ZMAT4: variants seen among roughly 807,000 people sequenced by gnomAD.
The protein encoded by ZMAT4 is zinc finger matrin-type protein 4.
A neutral mutation model predicts 28.7 loss-of-function variants in ZMAT4; 17 were observed. That is an observed-to-expected ratio of 0.59 (90% confidence interval 0.41 to 0.89). The LOEUF (loss-of-function observed/expected upper bound fraction) is 0.89, where lower values mean the gene tolerates loss of function less well. Ranked by LOEUF, ZMAT4 falls within the 40% of genes least tolerant of loss-of-function variation. The pLI is 0.00. For synonymous variants in ZMAT4, 117 were observed against 109.2 expected (o/e 1.07, Z -0.44); for missense variants, 240 against 283.8 (o/e 0.85, Z 1.11).
At chr8:40,643,651 C>T (rs1343232734) in intron 5 of ZMAT4, among the ~76,000 whole-genome samples, 4 of 151,804 alleles carry the variant, frequency 2.6e-5, no homozygotes, top group South Asian at 4.2e-4. Flanking sequence ...GTACAGAGCC[C>T]GGTGGAGAGA....
chr8:40,822,288 A>G lies in ZMAT4; in HGVS notation c.102+3287T>C, dbSNP rs1815859288. 2.0e-5 allele frequency among the ~76,000 whole-genome samples: 3 copies of G among 152,204 alleles called. 1 individual carries two copies. In the South Asian group the frequency reaches 6.2e-4, roughly 31 times the overall value. ...TATAGGTTCAGAATCCCCTGCAATA[A>G]CTAACTCTAATATTGCTGGATATAC... On this transcript the variant is annotated intron_variant, in intron 2 of 6. Coordinates refer to ENST00000297737, the MANE Select transcript of ZMAT4 (RefSeq NM_024645.3).
In ZMAT4 at chr8:40,642,646, C is replaced by A. The variant is rs1807091618; in HGVS notation, c.577+32058G>T. Among the ~76,000 whole-genome samples, 2 of 152,194 alleles carry A rather than the reference C, an allele frequency of 1.3e-5. 1 individual carries two copies. The highest frequency in any genetic ancestry group is 4.1e-4 in the South Asian group (2 of 4,834). ...AGTTGTGGCAAGTTTAGCCTCTTCC[C>A]TAGAAAAGCTATCTGCTAGAGGAGG... is the stretch of plus-strand genomic sequence containing the variant. On this transcript the variant is annotated intron_variant, in intron 5 of 6. Transcript: ENST00000297737.
intron 5 of ZMAT4, among the ~76,000 whole-genome samples, chr8:40,618,094 C>T (rs955623131): frequency 6.6e-6 from 1 of 152,200 alleles, no homozygotes; most frequent in Non-Finnish European, 1.5e-5. Context: ...GTACATTAAT[C>T]TCTAGGCACC....
intron 6 of ZMAT4, among the ~76,000 whole-genome samples, chr8:40,545,200 C>T (rs954124614): frequency 1.3e-5 from 2 of 151,950 alleles, no homozygotes; most frequent in African/African-American, 4.8e-5. Context: ...AGAGCAGACT[C>T]CCCCCTAGTT....
intron 2 of ZMAT4, among the ~76,000 whole-genome samples, chr8:40,801,365 T>TATATATATATATATATATACAC (rs1554559774): frequency 6.9e-6 from 1 of 144,374 alleles, no homozygotes; most frequent in African/African-American, 2.6e-5. Flanking sequence ...TATATATATA[T>TATATATATATATATATATACAC]ATATATACAT....
intron 3 of ZMAT4, among the ~76,000 whole-genome samples, chr8:40,722,623 C>CT: frequency 6.6e-6 from 1 of 152,196 alleles, no homozygotes; most frequent in East Asian, 1.9e-4. Flanking sequence ...TATTCCTGCT[C>CT]TTTTTTCTTT....
rs888348688 is a variant in ZMAT4, at chr8:40,620,656, T to C, written c.578-39395A>G. Among the ~76,000 whole-genome samples, 9 of 152,380 alleles carry C rather than the reference T, an allele frequency of 5.9e-5. No individual in the cohort carries two copies. The East Asian group carries it at 1.7e-3, about 29-fold the overall frequency. ...AATTCCTCACTCCCATCACTTGTTT[T>C]ACAAATGTTATTATTAAGCTCTTGA... On this transcript the variant is annotated intron_variant, in intron 5 of 6. Coordinates refer to ENST00000297737, the MANE Select transcript of ZMAT4 (RefSeq NM_024645.3).
intron 3 of ZMAT4, among the ~76,000 whole-genome samples, chr8:40,745,048 G>C (rs955554215): frequency 6.6e-6 from 1 of 152,284 alleles, no homozygotes; most frequent in South Asian, 2.1e-4. Context: ...CCAAGGGGGA[G>C]TTGATAAAAG....
intron 2 of ZMAT4, among the ~76,000 whole-genome samples, chr8:40,768,198 C>A (rs1813241955): frequency 6.6e-6 from 1 of 152,104 alleles, no homozygotes; most frequent in African/African-American, 2.4e-5. Flanking sequence ...ACACAGACTT[C>A]ATTAATAAGC....
rs76665832 is a variant in ZMAT4 at position 40,625,085 on chromosome 8, G to A, written c.578-43824C>T. On this transcript the variant is annotated intron_variant, in intron 5 of 6. Coordinates refer to ENST00000297737, the MANE Select transcript of ZMAT4 (RefSeq NM_024645.3). ...TTGAGTTGCAACCTGAACAATGAGC[G>A]GGTGGTAGCCATATGAAGGCCCGGG... Among the ~76,000 whole-genome samples, 103 of 152,262 alleles carry A rather than the reference G, an allele frequency of 6.8e-4. 1 individual carries two copies. In the East Asian group the frequency reaches 0.015, roughly 23 times the overall value.
chr8:40,736,071 C>T (rs1811748980), intron 3 of ZMAT4, among the ~76,000 whole-genome samples: 1 of 152,300 alleles, frequency 6.6e-6, no homozygotes, highest in Admixed American at 6.5e-5. Flanking sequence ...GCGGGAGAAA[C>T]ACTGTATAAA....
chr8:40,741,939 G>T (rs1169964449), intron 3 of ZMAT4, among the ~76,000 whole-genome samples: 1 of 152,088 alleles, frequency 6.6e-6, no homozygotes, highest in Non-Finnish European at 1.5e-5. Context: ...AACTATTTTA[G>T]TATATAAAAA....
Position 40,826,006 on chromosome 8 carries a change from C to A in ZMAT4, c.-4-326G>T, listed in dbSNP as rs537231255. On this transcript the variant is annotated intron_variant, in intron 1 of 6. Transcript: ENST00000297737. Reference sequence around the variant, plus strand: ...GGGCACCGTGGCTCACGCCTGTAGTCCCAGTGTTTTGGGAGGCCGAGGTGG... The same window carrying A: ...GGGCACCGTGGCTCACGCCTGTAGTACCAGTGTTTTGGGAGGCCGAGGTGG... Among the ~76,000 whole-genome samples, 59 of 152,276 alleles carry A rather than the reference C, an allele frequency of 3.9e-4. No homozygotes were observed. The South Asian group carries it at 0.011, about 29-fold the overall frequency.
intron 1 of ZMAT4, among the ~76,000 whole-genome samples, chr8:40,850,260 G>A (rs1817053518): frequency 6.6e-6 from 1 of 151,990 alleles, no homozygotes; most frequent in Admixed American, 6.6e-5. Flanking sequence ...CCCTCCGCTG[G>A]CCTGTGAGCC....
intron 5 of ZMAT4, among the ~76,000 whole-genome samples, chr8:40,596,549 C>T (rs28657547): frequency 0.21 from 31,283 of 152,010 alleles, 3,344 homozygotes; most frequent in Middle Eastern, 0.26. Context: ...ACATCAGCCT[C>T]GGCCTACATG....
At position 40,781,761 on chromosome 8, in the gene ZMAT4, CAAAAAAAAAAAAAA is replaced by C. The variant is rs59432510; in HGVS notation, c.103-14045_103-14032del. Among the ~76,000 whole-genome samples, 46 of 38,528 alleles carry C rather than the reference CAAAAAAAAAAAAAA, an allele frequency of 1.2e-3. 1 individual carries two copies. Among genetic ancestry groups the C allele is most frequent in the South Asian group, 6.1e-3 (6 of 990 alleles). The allele number at this position is 38,528 out of a possible 152,430, so 25.3% of individuals were successfully genotyped here. A position where few individuals can be genotyped will look rare whatever the true frequency, so the allele number is the denominator to read the frequency against. ...TGGGCAACAGAGCGAGACTCCGTCT[CAAAAAAAAAAAAAA>C]AAAAAAAAAAAAAAAAGAAAAGAAT... is the stretch of plus-strand genomic sequence containing the variant. On this transcript the variant is annotated intron_variant, in intron 2 of 6. Transcript: ENST00000297737.
intron 1 of ZMAT4, among the ~76,000 whole-genome samples, chr8:40,855,426 CA>C (rs1817261396): frequency 6.6e-6 from 1 of 152,146 alleles, no homozygotes; most frequent in Non-Finnish European, 1.5e-5. Flanking sequence ...ACATCTTTAA[CA>C]GAGATAAAAA....
rs561564852 is a variant in ZMAT4 at position 40,881,423 on chromosome 8, A to G, written c.-5+16260T>C. Among the ~76,000 whole-genome samples the G allele has an allele frequency of 4.4e-4, 54 of 121,796 alleles. 2 individuals carry two copies. In the South Asian group the frequency reaches 0.014, roughly 32 times the overall value. 79.9% of individuals were successfully genotyped at this position (121,796 alleles called of 152,430 possible). A position where few individuals can be genotyped will look rare whatever the true frequency, so the allele number is the denominator to read the frequency against. On this transcript the variant is annotated intron_variant, in intron 1 of 6. Transcript: ENST00000297737. ...GAGAGAGAGAAAGAAAGGAAGAAAA[A>G]GAAGAAAGAGAGAAAGAAAGAAAGA...
chr8:40,698,482 T>C (rs1177473598), intron 3 of ZMAT4, among the ~76,000 whole-genome samples: 2 of 152,256 alleles, frequency 1.3e-5, no homozygotes, highest in East Asian at 1.9e-4. Context: ...TAGCCGAACA[T>C]CTCTTTGTTA....
Sources: allele counts gnomAD v4.1 joint callset (sites outside exome capture counted in the v4.1 genomes callset), GRCh38; gene constraint gnomAD v4.1.1; transcripts MANE v1.5; gene names NCBI Gene and HGNC (gene_info 2026-07-23, HGNC 2026-07-21).